UNC13C: variants seen among roughly 807,000 people sequenced by gnomAD.
UNC13C encodes the protein protein unc-13 homolog C.
A neutral mutation model predicts 245.4 loss-of-function variants in UNC13C; 174 were observed. The ratio of observed to expected loss-of-function variants is 0.71; its 90% CI spans 0.63 to 0.80. The LOEUF is 0.80. Among genes scored for constraint, UNC13C ranks in the 30% least tolerant of loss-of-function variants. UNC13C has a pLI of 0.00. For synonymous variants in UNC13C, 992 were observed against 895.1 expected, an observed-to-expected ratio of 1.11 and a Z score of -1.93; for missense variants, 2,829 against 2,602.9, an observed-to-expected ratio of 1.09 and a Z score of -1.89.
intron 2 of UNC13C, among the ~76,000 whole-genome samples, chr15:54,142,495 TATG>T (rs1251544596): frequency 6.6e-6 from 1 of 152,198 alleles, no homozygotes; most frequent in African/African-American, 2.4e-5. Flanking sequence ...TCGTAAACTC[TATG>T]ATATGAGAAG....
chr15:54,343,068 C>T (rs964621513), intron 17 of UNC13C, among the ~76,000 whole-genome samples: 18 of 152,024 alleles, frequency 1.2e-4, no homozygotes, highest in African/African-American at 4.1e-4. Flanking sequence ...TTTTCAACAT[C>T]ATTATCTTTA....
rs748365086 is a variant in UNC13C, at chr15:54,015,083, A to C, written c.2180A>C (p.Asp727Ala). 42 of 1,612,820 alleles carry C rather than the reference A, an allele frequency of 2.6e-5. No individual in the cohort carries two copies. The highest frequency in any genetic ancestry group is 3.3e-5 in the Non-Finnish European group (39 of 1,179,392). ...AATTCTTCTCCATGCCCTGGCTTGG[A>C]TAATGAACCACAAGGCCAGTGGGTT... ...DDNSSPCPGL[D>A]NEPQGQWVGQ... The change falls in exon 2 of 33, where the codon GAT (aspartate) becomes GCT (alanine). Residue 727 changes from aspartate to alanine, a missense_variant. By Grantham distance (126) the Asp-to-Ala change is moderately radical. Coordinates refer to ENST00000260323, the MANE Select transcript of UNC13C (RefSeq NM_001080534.3).
intron 4 of UNC13C, among the ~76,000 whole-genome samples, chr15:54,153,106 G>A (rs192771854): frequency 6.6e-6 from 1 of 152,070 alleles, no homozygotes; most frequent in African/African-American, 2.4e-5. Context: ...CAACAAGTTT[G>A]CTTAATCCAT....
chr15:54,209,109 C>A (rs1022606553), intron 4 of UNC13C, among the ~76,000 whole-genome samples: 1 of 152,086 alleles, frequency 6.6e-6, no homozygotes, highest in African/African-American at 2.4e-5. Flanking sequence ...AGGCCCTCTG[C>A]TCCTCCTCCC....
rs528568628 is a variant in UNC13C, at chr15:54,221,060, G to A, written c.3072-13970G>A. Among the ~76,000 whole-genome samples the A allele has an allele frequency of 2.0e-5, 3 of 152,160 alleles. No individual in the cohort carries two copies. The East Asian group carries it at 5.8e-4, about 29-fold the overall frequency. On this transcript the variant is annotated intron_variant, in intron 4 of 32. Coordinates refer to ENST00000260323, the MANE Select transcript of UNC13C (RefSeq NM_001080534.3). ...TTCCAAAGATTTAGACTCTGAATCA[G>A]AAGTTTAAGAAATAAGTTAACAATT...
chr15:54,183,189 C>A (rs991552486), intron 4 of UNC13C, among the ~76,000 whole-genome samples: 1 of 151,320 alleles, frequency 6.6e-6, no homozygotes, highest in Non-Finnish European at 1.5e-5. Context: ...ATATTGCTTC[C>A]ATTTATTATT....
At chr15:54,357,237 G>C (rs1187429805) in intron 17 of UNC13C, among the ~76,000 whole-genome samples, 1 of 151,896 alleles carries the variant, frequency 6.6e-6, no homozygotes, top group Non-Finnish European at 1.5e-5. Flanking sequence ...AAATTGTGAT[G>C]AAAACATTGT....
chr15:53,928,364 A>T, the UNC13C span, among the ~76,000 whole-genome samples: 1 of 152,190 alleles, frequency 6.6e-6, no homozygotes, highest in South Asian at 2.1e-4. Flanking sequence ...CAGATCTCTC[A>T]TGTTATTGTT....
At chr15:54,589,770 G>A (rs1226860844) in intron 30 of UNC13C, among the ~76,000 whole-genome samples, 1 of 152,080 alleles carries the variant, frequency 6.6e-6, no homozygotes, top group Non-Finnish European at 1.5e-5. Flanking sequence ...ACTGCTGACT[G>A]TTCTTTTTGC....
intron 26 of UNC13C, among the ~76,000 whole-genome samples, chr15:54,543,799 A>T (rs116921407): frequency 0.03 from 4,546 of 152,258 alleles, 95 homozygotes; most frequent in Middle Eastern, 0.041. Flanking sequence ...TGAGGCAGTA[A>T]TTAATAATGT....
chr15:54,345,219 G>A (rs1404313453), intron 17 of UNC13C, among the ~76,000 whole-genome samples: 2 of 152,170 alleles, frequency 1.3e-5, no homozygotes, highest in South Asian at 2.1e-4. Flanking sequence ...GGACAGTGCC[G>A]AGTAGGTGTT....
chr15:53,840,351 A>G, the UNC13C span, among the ~76,000 whole-genome samples: 1 of 152,168 alleles, frequency 6.6e-6, no homozygotes, highest in African/African-American at 2.4e-5. Flanking sequence ...AATAGAGATT[A>G]ATGTGCTAAA....
intron 10 of UNC13C, among the ~76,000 whole-genome samples, chr15:54,273,803 G>C (rs2036756605): frequency 6.6e-6 from 1 of 152,032 alleles, no homozygotes; most frequent in Non-Finnish European, 1.5e-5. Flanking sequence ...TCACTTCTTG[G>C]ATGTACCCCT....
intron 2 of UNC13C, among the ~76,000 whole-genome samples, chr15:54,112,755 T>C (rs1279986072): frequency 6.6e-6 from 1 of 152,232 alleles, no homozygotes; most frequent in Non-Finnish European, 1.5e-5. Flanking sequence ...ACCCTCACTA[T>C]CTGCCAAAAT....
At chr15:53,983,171 CAA>C (rs1035781924) in intron 1 of UNC13C, among the ~76,000 whole-genome samples, 1 of 152,064 alleles carries the variant, frequency 6.6e-6, no homozygotes, top group African/African-American at 2.4e-5. Context: ...TAACAAGAAA[CAA>C]ATAGCATTAG....
At chr15:54,227,917 C>T (rs2035438597) in intron 4 of UNC13C, among the ~76,000 whole-genome samples, 2 of 152,216 alleles carry the variant, frequency 1.3e-5, no homozygotes, top group South Asian at 4.1e-4. Flanking sequence ...GCCAGCCAGG[C>T]TTGTGTCCTT....
chr15:53,905,413 C>G, the UNC13C span, among the ~76,000 whole-genome samples: 2 of 151,328 alleles, frequency 1.3e-5, no homozygotes, highest in African/African-American at 4.9e-5. Context: ...CACACACACA[C>G]ACACACACAC....
Position 54,075,100 on chromosome 15 carries a change from C to G in UNC13C, c.2983+59214C>G, listed in dbSNP as rs899384089. On this transcript the variant is annotated intron_variant, in intron 2 of 32. Coordinates refer to ENST00000260323, the MANE Select transcript of UNC13C (RefSeq NM_001080534.3). ...AATTTCTATATCTGTAAAATATCTT[C>G]TATCACTCAAAGAATAATAACACAG... 2.2e-4 allele frequency among the ~76,000 whole-genome samples: 34 copies of G among 152,104 alleles called. 1 individual carries two copies. The highest frequency in any genetic ancestry group is 2.2e-3 in the Admixed American group (33 of 15,268).
At chr15:54,305,169 G>A (rs958644249) in intron 13 of UNC13C, among the ~76,000 whole-genome samples, 32 of 152,070 alleles carry the variant, frequency 2.1e-4, no homozygotes, top group African/African-American at 7.7e-4. Flanking sequence ...AGAGGCAGAA[G>A]CTGTTTATCA....
Sources: gnomAD v4.1 joint callset for allele counts (sites outside exome capture counted in the v4.1 genomes callset) on GRCh38, gnomAD v4.1.1 for gene constraint, MANE v1.5 for transcripts, NCBI Gene and HGNC (gene_info 2026-07-23, HGNC 2026-07-21) for gene names.